The following KIF16B variants were observed in gnomAD, a reference collection of about 807,000 sequenced individuals.
The protein encoded by KIF16B is kinesin family member 16B, also known as kinesin-like protein KIF16B.
Under a neutral mutation model 156.3 loss-of-function variants are expected in KIF16B, and 98 were observed. That is an observed-to-expected ratio of 0.63 (90% CI 0.53 to 0.74). The LOEUF (loss-of-function observed/expected upper bound fraction) is 0.74. Among genes scored for constraint, KIF16B ranks in the 30% least tolerant of loss-of-function variants. The pLI, the probability that KIF16B is intolerant of heterozygous loss-of-function variation, is 0.00. For synonymous variants in KIF16B, 564 were observed against 583.7 expected, an observed-to-expected ratio of 0.97 and a Z score of 0.49; for missense variants, 1,421 against 1,606.5, an observed-to-expected ratio of 0.88 and a Z score of 1.97.
At chr20:16,456,584 C>A (rs1000965490) in intron 12 of KIF16B, among the ~76,000 whole-genome samples, 1 of 152,050 alleles carries the variant, frequency 6.6e-6, no homozygotes, top group East Asian at 1.9e-4. Context: ...TAAAAGAGAT[C>A]GCTAACATCA....
chr20:16,400,628 G>C (rs901762174), intron 17 of KIF16B, among the ~76,000 whole-genome samples: 1 of 152,178 alleles, frequency 6.6e-6, no homozygotes, highest in Non-Finnish European at 1.5e-5. Context: ...ATCAACAGAT[G>C]AATGGATAAA....
At chr20:16,530,999 T>A (rs1015122945) in intron 1 of KIF16B, among the ~76,000 whole-genome samples, 9 of 152,068 alleles carry the variant, frequency 5.9e-5, no homozygotes, top group African/African-American at 2.2e-4. Flanking sequence ...CCATGCCTGG[T>A]CAATACATAT....
chr20:16,450,744 G>A (rs2067057829), intron 12 of KIF16B, among the ~76,000 whole-genome samples: 1 of 152,168 alleles, frequency 6.6e-6, no homozygotes, highest in Non-Finnish European at 1.5e-5. Flanking sequence ...TGCAGTGTCA[G>A]GATGAGCTGA....
intron 25 of KIF16B, among the ~76,000 whole-genome samples, chr20:16,304,000 G>A (rs751070977): frequency 5.4e-4 from 82 of 152,206 alleles, no homozygotes; most frequent in Non-Finnish European, 9.6e-4. Flanking sequence ...GGAGCCCAAA[G>A]ATGGAGAACA....
intron 1 of KIF16B, among the ~76,000 whole-genome samples, chr20:16,559,524 C>T (rs1162522578): frequency 6.6e-6 from 1 of 152,082 alleles, no homozygotes; most frequent in Non-Finnish European, 1.5e-5. Flanking sequence ...TCCCCACATG[C>T]TGGGAAGGCC....
intron 12 of KIF16B, among the ~76,000 whole-genome samples, chr20:16,493,690 A>G (rs1487077889): frequency 1.3e-5 from 2 of 152,236 alleles, no homozygotes; most frequent in Non-Finnish European, 2.9e-5. Context: ...CTGCCAACTC[A>G]GCAAAAAATG....
chr20:16,479,858 C>T (rs892271197), intron 12 of KIF16B, among the ~76,000 whole-genome samples: 2 of 152,170 alleles, frequency 1.3e-5, no homozygotes, highest in African/African-American at 4.8e-5. Flanking sequence ...CCTAATGACA[C>T]GTTTCTTAGA....
intron 17 of KIF16B, among the ~76,000 whole-genome samples, chr20:16,391,593 T>C (rs1406721593): frequency 6.6e-6 from 1 of 151,458 alleles, no homozygotes; most frequent in Non-Finnish European, 1.5e-5. Context: ...AGGAAGGGAG[T>C]GGCCATGAAG....
At chr20:16,514,904 A>AG (rs2069093520) in intron 4 of KIF16B, among the ~76,000 whole-genome samples, 1 of 147,352 alleles carries the variant, frequency 6.8e-6, no homozygotes, top group African/African-American at 2.5e-5. Flanking sequence ...AAAAAAAAAA[A>AG]AAAAAAAAAA....
At chr20:16,533,015 A>G (rs971536486) in intron 1 of KIF16B, among the ~76,000 whole-genome samples, 9 of 152,194 alleles carry the variant, frequency 5.9e-5, no homozygotes, top group Admixed American at 1.3e-4. Context: ...CATCCATTCT[A>G]TAAAAGCACT....
At chr20:16,369,329 C>A in intron 22 of KIF16B, 4 of 971,510 alleles carry the variant, frequency 4.1e-6, no homozygotes, top group Non-Finnish European at 4.9e-6. Context: ...GATTCTTTTG[C>A]ACATGATGAT....
chr20:16,531,727 G>T (rs149864723), intron 1 of KIF16B, among the ~76,000 whole-genome samples: 1 of 152,154 alleles, frequency 6.6e-6, no homozygotes, highest in Non-Finnish European at 1.5e-5. Flanking sequence ...AGAATATAAC[G>T]ATGAAAGGGA....
At chr20:16,283,824 A>G (rs973157641) in intron 25 of KIF16B, among the ~76,000 whole-genome samples, 2 of 152,206 alleles carry the variant, frequency 1.3e-5, no homozygotes. Flanking sequence ...AGCCCTGGGG[A>G]AGAACCACTT....
chr20:16,330,014 TC>T (rs2122887516), intron 24 of KIF16B, among the ~76,000 whole-genome samples: 1 of 152,304 alleles, frequency 6.6e-6, no homozygotes, highest in Non-Finnish European at 1.5e-5. Flanking sequence ...ATATAATCTG[TC>T]ATCATACAAT....
intron 3 of KIF16B, among the ~76,000 whole-genome samples, chr20:16,518,050 G>A (rs1040166313): frequency 3.3e-5 from 5 of 152,106 alleles, no homozygotes; most frequent in Non-Finnish European, 7.3e-5. Context: ...CCGGTTCAGG[G>A]GCTCAGGGGG....
chr20:16,523,588 C>T lies in KIF16B; in HGVS notation c.231+2504G>A, dbSNP rs562265293. 2.2e-4 allele frequency among the ~76,000 whole-genome samples: 34 copies of T among 152,176 alleles called. 1 individual carries two copies. Among genetic ancestry groups the T allele is most frequent in the South Asian group, 8.3e-4 (4 of 4,822 alleles). On this transcript the variant is annotated intron_variant, in intron 3 of 25. Coordinates refer to ENST00000354981, the MANE Select transcript of KIF16B (RefSeq NM_024704.5). Reference sequence around the variant, plus strand: ...TGCTCATGGATAGAAGAATCAATATCGTGAAAATGGCCATACTGCCCAAAG... The same window carrying T: ...TGCTCATGGATAGAAGAATCAATATTGTGAAAATGGCCATACTGCCCAAAG...
rs1234458992 is a variant in KIF16B, at chr20:16,378,977, G to A, written c.3025C>T (p.Leu1009=). Residue 1009 remains leucine, a synonymous_variant, in exon 19 of 26, where the codon CTG becomes TTG. Coordinates refer to ENST00000354981, the MANE Select transcript of KIF16B (RefSeq NM_024704.5). ...GAATGTCTCCTCTCCAGCCTGGCCAGGGCCCGCTCCAGCGCCTCTCTCTGC... is the reference window on the plus strand; with the variant it reads ...GAATGTCTCCTCTCCAGCCTGGCCAAGGCCCGCTCCAGCGCCTCTCTCTGC... ...KQQREALERA[L]ARLERRHSAL... 1.1e-5 allele frequency: 18 copies of A among 1,613,980 alleles called. No individual in the cohort carries two copies. The highest frequency in any genetic ancestry group is 1.4e-5 in the Non-Finnish European group (17 of 1,179,976).
intron 1 of KIF16B, among the ~76,000 whole-genome samples, chr20:16,569,416 C>T (rs2071379326): frequency 6.6e-6 from 1 of 152,164 alleles, no homozygotes; most frequent in South Asian, 2.1e-4. Context: ...TACCATTTTG[C>T]CTACGTAACA....
At chr20:16,444,695 G>T (rs1354802555) in intron 12 of KIF16B, among the ~76,000 whole-genome samples, 1 of 151,978 alleles carries the variant, frequency 6.6e-6, no homozygotes, top group South Asian at 2.1e-4. Context: ...CCATTTTTTT[G>T]TATCTACTTT....
Sources: allele counts gnomAD v4.1 joint callset (sites outside exome capture counted in the v4.1 genomes callset), GRCh38; gene constraint gnomAD v4.1.1; transcripts MANE v1.5; gene names NCBI Gene and HGNC (gene_info 2026-07-23, HGNC 2026-07-21).